The following NUMB variants were observed in gnomAD, a reference collection of about 807,000 sequenced individuals.
The protein encoded by NUMB is protein numb homolog.
NUMB carries 29 observed loss-of-function variants against 59.7 expected under a neutral mutation model. That is an observed-to-expected ratio of 0.49 (90% CI 0.36 to 0.66). The LOEUF is 0.66. Among genes scored for constraint, NUMB ranks in the 30% least tolerant of loss-of-function variants. The pLI is 0.00. For synonymous variants in NUMB, 288 were observed against 288.2 expected (o/e 1.00, Z 0.01); for missense variants, 723 against 822.0 (o/e 0.88, Z 1.47).
intron 11 of NUMB, among the ~76,000 whole-genome samples, chr14:73,282,004 A>G (rs946571978): frequency 6.6e-6 from 1 of 152,358 alleles, no homozygotes; most frequent in Admixed American, 6.5e-5. Context: ...CACTAAAGAA[A>G]GCATAACCTT....
intron 3 of NUMB, among the ~76,000 whole-genome samples, chr14:73,366,551 T>C (rs572315495): frequency 4.5e-4 from 68 of 152,310 alleles, no homozygotes; most frequent in Non-Finnish European, 7.4e-4. Context: ...GTCAGGTGGA[T>C]AATATTACCA....
chr14:73,367,344 T>TAGAGAGAGAG (rs1480182542), intron 2 of NUMB, among the ~76,000 whole-genome samples: 148 of 84,140 alleles, frequency 1.8e-3, no homozygotes, highest in Middle Eastern at 5.3e-3. Flanking sequence ...TATATATATA[T>TAGAGAGAGAG]ATATAGAGAG....
intron 2 of NUMB, among the ~76,000 whole-genome samples, chr14:73,379,614 A>G (rs61626677): frequency 0.01 from 1,588 of 152,300 alleles, 28 homozygotes; most frequent in African/African-American, 0.036. Context: ...TTCATTTGTT[A>G]GGTTATATTT....
At chr14:73,407,363 G>C (rs190654507) in intron 2 of NUMB, among the ~76,000 whole-genome samples, 1 of 152,138 alleles carries the variant, frequency 6.6e-6, no homozygotes, top group African/African-American at 2.4e-5. Context: ...GAGATGAGAG[G>C]AGCACTTGAG....
intron 12 of NUMB, among the ~76,000 whole-genome samples, chr14:73,278,057 A>AC (rs1040991669): frequency 7.4e-5 from 11 of 149,304 alleles, no homozygotes; most frequent in African/African-American, 2.5e-4. Context: ...AAAAAAAAAA[A>AC]AAAAAAAAAA....
chr14:73,371,399 G>A (rs1417690590), intron 2 of NUMB, among the ~76,000 whole-genome samples: 1 of 151,990 alleles, frequency 6.6e-6, no homozygotes, highest in African/African-American at 2.4e-5. Context: ...GCCAGGCGTG[G>A]TGGTGCATGC....
At chr14:73,295,530 T>C (rs1889717524) in intron 7 of NUMB, among the ~76,000 whole-genome samples, 1 of 152,168 alleles carries the variant, frequency 6.6e-6, no homozygotes, top group South Asian at 2.1e-4. Flanking sequence ...CCAACAGTAA[T>C]GTACTAAAAG....
At chr14:73,420,581 A>T (rs904019575) in intron 1 of NUMB, among the ~76,000 whole-genome samples, 2 of 152,156 alleles carry the variant, frequency 1.3e-5, no homozygotes, top group East Asian at 3.8e-4. Flanking sequence ...GCACTTTGGG[A>T]TGCCAACGCA....
chr14:73,441,616 C>T (rs567145157), intron 1 of NUMB, among the ~76,000 whole-genome samples: 23 of 152,144 alleles, frequency 1.5e-4, no homozygotes, highest in African/African-American at 5.1e-4. Flanking sequence ...GTGACTCACA[C>T]CTGTAATCCC....
intron 4 of NUMB, among the ~76,000 whole-genome samples, chr14:73,339,007 T>A (rs1185594262): frequency 6.6e-6 from 1 of 152,198 alleles, no homozygotes; most frequent in South Asian, 2.1e-4. Flanking sequence ...TCCACTGTGG[T>A]ATATGAGTTA....
chr14:73,426,564 A>G (rs186861951), intron 1 of NUMB, among the ~76,000 whole-genome samples: 3 of 152,144 alleles, frequency 2.0e-5, no homozygotes, highest in East Asian at 3.9e-4. Context: ...AAAATTAGCC[A>G]GGGCCGGGCG....
chr14:73,276,894 G>A lies in NUMB; in HGVS notation c.1640C>T (p.Ala547Val), dbSNP rs1888198500. Residue 547 changes from alanine (A) to valine (V), a missense_variant, in exon 13 of 13, where the codon GCT becomes GTT. Ala to Val is a moderately conservative substitution (Grantham distance 64, BLOSUM62 0). Transcript: ENST00000555238. Reference protein sequence around the residue: ...NVFGTAGHPQAAHPHQSPSLV... With the variant: ...NVFGTAGHPQVAHPHQSPSLV... ...GCTGGGTGACTGATGGGGATGGGCA[G>A]CCTGAGGGTGGCCTGCAGTGCCAAA... 6.2e-7 allele frequency: 1 copy of A among 1,614,030 alleles called. No homozygotes were observed. Among genetic ancestry groups the A allele is most frequent in the Middle Eastern group, 1.7e-4 (1 of 6,060 alleles).
At chr14:73,279,162 G>T in intron 12 of NUMB, 119 bp downstream of exon 12, 1 of 1,115,562 alleles carries the variant, frequency 9.0e-7, no homozygotes, top group Non-Finnish European at 1.3e-6. Context: ...TTCTAGGAGG[G>T]AACATAGTTT....
intron 4 of NUMB, among the ~76,000 whole-genome samples, chr14:73,353,091 T>C (rs1344748174): frequency 8.5e-6 from 1 of 117,322 alleles, no homozygotes; most frequent in African/African-American, 3.1e-5. Context: ...TTTTTTTTTT[T>C]TTTTTTTTTT....
chr14:73,454,399 G>A (rs569448586), intron 1 of NUMB, among the ~76,000 whole-genome samples: 6 of 152,040 alleles, frequency 3.9e-5, no homozygotes, highest in African/African-American at 9.6e-5. Context: ...AGGAAGTTTC[G>A]AAGCAAACTA....
In NUMB at chr14:73,325,961, T is replaced by C. The variant is rs114432569; in HGVS notation, c.127-2757A>G. Reference sequence around the variant, plus strand: ...CCAATCCCCCTTTTGCTTTTTTCCTTTCTCTCTGATCTCCTGCCATTTGAT... The same window carrying C: ...CCAATCCCCCTTTTGCTTTTTTCCTCTCTCTCTGATCTCCTGCCATTTGAT... On this transcript the variant is annotated intron_variant, in intron 4 of 12. Transcript: ENST00000555238. 4.5e-3 allele frequency among the ~76,000 whole-genome samples: 680 copies of C among 152,194 alleles called. 6 individuals carry two copies. Among genetic ancestry groups the C allele is most frequent in the African/African-American group, 0.016 (650 of 41,530 alleles).
chr14:73,409,317 G>A (rs1896808100), intron 2 of NUMB: 1 of 152,198 alleles, frequency 6.6e-6, no homozygotes, highest in Non-Finnish European at 1.5e-5. Context: ...CCTCTCTTGG[G>A]ATGCTCTCTC....
At chr14:73,277,318 AAAG>A in intron 12 of NUMB, 25 bp from the exon 13 acceptor site, 1 of 1,544,950 alleles carries the variant, frequency 6.5e-7, no homozygotes. Context: ...ATGAGAGACA[AAAG>A]AATCAGTTAG....
chr14:73,377,295 C>T (rs1055314310), intron 2 of NUMB, among the ~76,000 whole-genome samples: 1 of 152,164 alleles, frequency 6.6e-6, no homozygotes, highest in African/African-American at 2.4e-5. Context: ...AATGAGAAGA[C>T]AGGCAACAGA....
Sources: allele counts gnomAD v4.1 joint callset (sites outside exome capture counted in the v4.1 genomes callset), GRCh38; gene constraint gnomAD v4.1.1; transcripts MANE v1.5; gene names NCBI Gene and HGNC (gene_info 2026-07-23, HGNC 2026-07-21).